The following CDH13 variants were observed in gnomAD, a reference collection of about 807,000 sequenced individuals.
CDH13 encodes cadherin 13.
In CDH13, 24 loss-of-function variants were observed where a neutral mutation model predicts 63.8. That is an observed-to-expected ratio of 0.38 (90% CI 0.27 to 0.53). The LOEUF (loss-of-function observed/expected upper bound fraction) is 0.53, where lower values mean the gene tolerates loss of function less well. CDH13 is among the 20% of genes least tolerant of loss of function. CDH13 has a pLI of 0.85. For missense variants in CDH13, 1,049 were observed against 903.1 expected, an observed-to-expected ratio of 1.16 and a Z score of -2.07; for synonymous variants, 503 against 355.3, an observed-to-expected ratio of 1.42 and a Z score of -4.67.
At chr16:83,326,350 A>G (rs962901867) in intron 5 of CDH13, among the ~76,000 whole-genome samples, 1 of 152,134 alleles carries the variant, frequency 6.6e-6, no homozygotes, top group African/African-American at 2.4e-5. Context: ...GGGGTAGCAT[A>G]AATCATTAGT....
At chr16:83,539,834 T>C (rs1232738980) in intron 7 of CDH13, among the ~76,000 whole-genome samples, 1 of 152,178 alleles carries the variant, frequency 6.6e-6, no homozygotes, top group Non-Finnish European at 1.5e-5. Context: ...TAGAAAGAAA[T>C]ATTTTAGCTT....
At chr16:83,017,476 G>A (rs563643184) in intron 2 of CDH13, among the ~76,000 whole-genome samples, 1 of 152,306 alleles carries the variant, frequency 6.6e-6, no homozygotes, top group Non-Finnish European at 1.5e-5. Flanking sequence ...TATATTAGTT[G>A]TAAAAAGCAA....
chr16:83,581,686 G>T (rs977756596), intron 7 of CDH13, among the ~76,000 whole-genome samples: 1 of 152,166 alleles, frequency 6.6e-6, no homozygotes, highest in African/African-American at 2.4e-5. Context: ...AGGCGTAGGG[G>T]TATGCCCTTG....
chr16:83,370,239 T>C (rs1315591662), intron 6 of CDH13, among the ~76,000 whole-genome samples: 2 of 151,804 alleles, frequency 1.3e-5, no homozygotes, highest in African/African-American at 2.4e-5. Context: ...ATAGAAAAAA[T>C]TAGCCGGGTG....
At chr16:82,821,078 G>C (rs1019372194) in intron 1 of CDH13, among the ~76,000 whole-genome samples, 2 of 152,170 alleles carry the variant, frequency 1.3e-5, no homozygotes, top group African/African-American at 4.8e-5. Flanking sequence ...AGAGGGATGG[G>C]CTCCTGTGGA....
chr16:82,918,475 C>G (rs896117164), intron 2 of CDH13, among the ~76,000 whole-genome samples: 2 of 148,268 alleles, frequency 1.3e-5, no homozygotes, highest in African/African-American at 5.0e-5. Context: ...AATAGGATGT[C>G]TCTCTGGGTC....
At chr16:83,153,008 G>A (rs114814994) in intron 4 of CDH13, among the ~76,000 whole-genome samples, 1,788 of 152,272 alleles carry the variant, frequency 0.012, 30 homozygotes, top group African/African-American at 0.038. Flanking sequence ...AGCCGTAACC[G>A]CTTAGTGGGT....
At chr16:83,270,859 C>G (rs1463047143) in intron 5 of CDH13, among the ~76,000 whole-genome samples, 2 of 151,852 alleles carry the variant, frequency 1.3e-5, no homozygotes, top group Non-Finnish European at 2.9e-5. Context: ...TCCTTCCTCA[C>G]TCTCTTCTTT....
intron 7 of CDH13, among the ~76,000 whole-genome samples, chr16:83,497,492 C>G (rs1371853776): frequency 2.4e-5 from 3 of 125,138 alleles, no homozygotes; most frequent in Non-Finnish European, 4.7e-5. Context: ...AGGGGAATAT[C>G]ACACTCTGGG....
At chr16:83,309,809 ATT>A (rs60865903) in intron 5 of CDH13, among the ~76,000 whole-genome samples, 4 of 144,970 alleles carry the variant, frequency 2.8e-5, no homozygotes, top group Admixed American at 6.9e-5. Flanking sequence ...CTCCCATGGG[ATT>A]TTTTTTTTTT....
intron 6 of CDH13, among the ~76,000 whole-genome samples, chr16:83,378,550 A>G (rs75740442): frequency 8.6e-4 from 131 of 152,292 alleles, no homozygotes; most frequent in Non-Finnish European, 1.4e-3. Flanking sequence ...TGCAACTGTG[A>G]GTCTGTGTAC....
At chr16:83,018,183 T>C (rs1237137135) in intron 2 of CDH13, among the ~76,000 whole-genome samples, 3 of 152,196 alleles carry the variant, frequency 2.0e-5, no homozygotes, top group Admixed American at 2.0e-4. Flanking sequence ...TATCTCATTT[T>C]GCCTCTGTAA....
Position 82,814,120 on chromosome 16 carries a change from A to C in CDH13, c.46-44242A>C, listed in dbSNP as rs539739972. 7.2e-5 allele frequency among the ~76,000 whole-genome samples: 11 copies of C among 152,250 alleles called. No homozygotes were observed. The East Asian group carries it at 1.5e-3, about 21-fold the overall frequency. On this transcript the variant is annotated intron_variant, in intron 1 of 13. Coordinates refer to ENST00000567109, the MANE Select transcript of CDH13 (RefSeq NM_001257.5). ...CTGGCTGTGATTATTATATTGTGAT[A>C]TAATAATAAATACATATTTGGTCTC...
At chr16:82,847,814 A>C (rs530731191) in intron 1 of CDH13, among the ~76,000 whole-genome samples, 80 of 152,194 alleles carry the variant, frequency 5.3e-4, no homozygotes, top group African/African-American at 1.8e-3. Flanking sequence ...AGAAATCACC[A>C]CACAGCCAGA....
chr16:83,759,254 C>G (rs1913758047), intron 11 of CDH13, among the ~76,000 whole-genome samples: 2 of 152,172 alleles, frequency 1.3e-5, no homozygotes, highest in Non-Finnish European at 1.5e-5. Flanking sequence ...TACCCAGTTT[C>G]TGATTCTAAC....
chr16:82,636,323 T>A (rs1488997603), intron 1 of CDH13, among the ~76,000 whole-genome samples: 1 of 151,756 alleles, frequency 6.6e-6, no homozygotes, highest in Non-Finnish European at 1.5e-5. Flanking sequence ...AGAACGTTCC[T>A]GGGAGAGGCA....
At chr16:83,328,749 C>T (rs1159388189) in intron 5 of CDH13, among the ~76,000 whole-genome samples, 1 of 152,104 alleles carries the variant, frequency 6.6e-6, no homozygotes, top group Non-Finnish European at 1.5e-5. Flanking sequence ...AGGCTTTAGG[C>T]TTCTTTGACT....
chr16:83,732,727 T>A (rs185127801), intron 10 of CDH13, among the ~76,000 whole-genome samples: 1 of 152,166 alleles, frequency 6.6e-6, no homozygotes. Context: ...CCCTTGCTAA[T>A]CTCAGTACTT....
intron 6 of CDH13, among the ~76,000 whole-genome samples, chr16:83,485,092 A>T (rs766785701): frequency 1.3e-5 from 2 of 152,220 alleles, no homozygotes; most frequent in Non-Finnish European, 2.9e-5. Context: ...TTAGATCTAC[A>T]GTCTTTTTAA....
Sources: gnomAD v4.1 joint callset for allele counts (sites outside exome capture counted in the v4.1 genomes callset) on GRCh38, gnomAD v4.1.1 for gene constraint, MANE v1.5 for transcripts, NCBI Gene and HGNC (gene_info 2026-07-23, HGNC 2026-07-21) for gene names.